Variants in TNFSF4 observed in about 807,000 individuals in gnomAD.
TNFSF4 encodes TNF superfamily member 4, also known as tumor necrosis factor ligand superfamily member 4.
In TNFSF4, 4 loss-of-function variants were observed where a neutral mutation model predicts 7.3. That is an observed-to-expected ratio of 0.55 (90% CI 0.27 to 1.25). The LOEUF (loss-of-function observed/expected upper bound fraction) is 1.25, where lower values mean the gene tolerates loss of function less well. Ranked by LOEUF, TNFSF4 falls within the 50% of genes most tolerant of loss-of-function variation. The pLI is 0.12. For missense variants in TNFSF4, 181 were observed against 208.8 expected (o/e 0.87, Z 0.82); for synonymous variants, 76 against 83.7 (o/e 0.91, Z 0.50).
At chr1:173,342,301 A>G in the TNFSF4 span, among the ~76,000 whole-genome samples, 2 of 151,996 alleles carry the variant, frequency 1.3e-5, no homozygotes, top group African/African-American at 2.4e-5. Flanking sequence ...TTCCCCATAT[A>G]CCTGCTGGAT....
At chr1:173,351,158 C>T in the TNFSF4 span, among the ~76,000 whole-genome samples, 1 of 152,242 alleles carries the variant, frequency 6.6e-6, no homozygotes, top group East Asian at 1.9e-4. Flanking sequence ...TCTCTCCTCA[C>T]ATCCTGAGCC....
the TNFSF4 span, among the ~76,000 whole-genome samples, chr1:173,220,320 C>T: frequency 6.6e-6 from 1 of 152,104 alleles, no homozygotes; most frequent in African/African-American, 2.4e-5. Flanking sequence ...CTGTTTTAAA[C>T]ATAGGTAGGT....
At chr1:173,422,113 G>A in the TNFSF4 span, among the ~76,000 whole-genome samples, 26 of 152,194 alleles carry the variant, frequency 1.7e-4, no homozygotes, top group East Asian at 3.7e-3. Flanking sequence ...ACAAAGGAAC[G>A]TTTAAAGGAG....
the TNFSF4 span, among the ~76,000 whole-genome samples, chr1:173,353,051 C>T: frequency 3.6e-4 from 55 of 152,264 alleles, no homozygotes; most frequent in Non-Finnish European, 6.8e-4. Context: ...CCCTCAACAT[C>T]GCTGTTATCC....
chr1:173,215,632 CT>C, the TNFSF4 span, among the ~76,000 whole-genome samples: 3 of 152,144 alleles, frequency 2.0e-5, no homozygotes, highest in Non-Finnish European at 2.9e-5. Context: ...AACAAAAAAC[CT>C]GTAAGCCTTT....
At chr1:173,304,984 C>A in the TNFSF4 span, among the ~76,000 whole-genome samples, 1 of 151,882 alleles carries the variant, frequency 6.6e-6, no homozygotes, top group African/African-American at 2.4e-5. Context: ...AGCTGCAAAC[C>A]CAGATTGATG....
chr1:173,333,005 A>G, the TNFSF4 span, among the ~76,000 whole-genome samples: 1 of 152,254 alleles, frequency 6.6e-6, no homozygotes, highest in East Asian at 1.9e-4. Context: ...ACAAACAACC[A>G]GTAAAGAATC....
the TNFSF4 span, among the ~76,000 whole-genome samples, chr1:173,424,032 G>A: frequency 6.6e-6 from 1 of 152,218 alleles, no homozygotes; most frequent in South Asian, 2.1e-4. Flanking sequence ...TATCCTCATG[G>A]CAGAAGAACA....
the TNFSF4 span, among the ~76,000 whole-genome samples, chr1:173,217,671 A>G: frequency 6.6e-6 from 1 of 152,198 alleles, no homozygotes; most frequent in Admixed American, 6.5e-5. Flanking sequence ...TATCTAAATG[A>G]TAATATTTTG....
At chr1:173,214,716 T>G in the TNFSF4 span, among the ~76,000 whole-genome samples, 1 of 152,354 alleles carries the variant, frequency 6.6e-6, no homozygotes, top group East Asian at 1.9e-4. Flanking sequence ...AATTAGATCT[T>G]TTCTTTTCAG....
the TNFSF4 span, among the ~76,000 whole-genome samples, chr1:173,344,674 T>C: frequency 6.6e-6 from 1 of 152,226 alleles, no homozygotes; most frequent in South Asian, 2.1e-4. Context: ...TTCCATATTT[T>C]AGTCTGTACT....
the TNFSF4 span, among the ~76,000 whole-genome samples, chr1:173,370,919 A>C: frequency 6.6e-5 from 10 of 152,202 alleles, no homozygotes; most frequent in African/African-American, 1.9e-4. Context: ...CACTTTAAAA[A>C]AGATTGTCCA....
chr1:173,236,882 T>C, the TNFSF4 span, among the ~76,000 whole-genome samples: 1 of 152,166 alleles, frequency 6.6e-6, no homozygotes, highest in East Asian at 1.9e-4. Flanking sequence ...TGATATCACT[T>C]GGATGCAAGG....
chr1:173,354,851 C>T, the TNFSF4 span, among the ~76,000 whole-genome samples: 1 of 152,218 alleles, frequency 6.6e-6, no homozygotes, highest in African/African-American at 2.4e-5. Context: ...CAGTTCCTGG[C>T]TCACAAATGA....
chr1:173,314,318 C>T, the TNFSF4 span, among the ~76,000 whole-genome samples: 2 of 152,064 alleles, frequency 1.3e-5, no homozygotes, highest in Non-Finnish European at 2.9e-5. Context: ...CAATTTACTA[C>T]TTATGATTTC....
the TNFSF4 span, among the ~76,000 whole-genome samples, chr1:173,242,321 C>G: frequency 1.1e-4 from 16 of 152,096 alleles, no homozygotes; most frequent in Non-Finnish European, 2.4e-4. Context: ...AGTATGGGGG[C>G]CCCGAACCAT....
At chr1:173,328,567 C>CA in the TNFSF4 span, among the ~76,000 whole-genome samples, 58 of 139,074 alleles carry the variant, frequency 4.2e-4, no homozygotes, top group Non-Finnish European at 6.4e-4. Context: ...TACCCCCCCC[C>CA]AAAAAAAAAA....
At chr1:173,442,646 G>T in the TNFSF4 span, among the ~76,000 whole-genome samples, 43 of 150,228 alleles carry the variant, frequency 2.9e-4, no homozygotes, top group East Asian at 8.5e-3. Flanking sequence ...GCCTCCCTGG[G>T]TTCAAGTGAT....
the TNFSF4 span, among the ~76,000 whole-genome samples, chr1:173,378,267 T>G: frequency 6.6e-6 from 1 of 151,006 alleles, no homozygotes. Flanking sequence ...AGCACAACTA[T>G]TCTGATCAGC....
Sources: allele counts gnomAD v4.1 joint callset (sites outside exome capture counted in the v4.1 genomes callset), GRCh38; gene constraint gnomAD v4.1.1; transcripts MANE v1.5; gene names NCBI Gene and HGNC (gene_info 2026-07-23, HGNC 2026-07-21).